AGTPBP1: variants seen among roughly 807,000 people sequenced by gnomAD.
AGTPBP1 encodes ATP/GTP binding carboxypeptidase 1, also known as cytosolic carboxypeptidase 1.
A neutral mutation model predicts 143.9 loss-of-function variants in AGTPBP1; 70 were observed. That is an observed-to-expected ratio of 0.49 (90% CI 0.40 to 0.59). The LOEUF (loss-of-function observed/expected upper bound fraction) is 0.59. AGTPBP1 is among the 20% of genes least tolerant of loss of function. AGTPBP1 has a pLI of 0.00. For synonymous variants in AGTPBP1, 463 were observed against 500.2 expected, an observed-to-expected ratio of 0.93 and a Z score of 0.99; for missense variants, 1,229 against 1,464.5, an observed-to-expected ratio of 0.84 and a Z score of 2.62.
At chr9:85,730,920 A>C (rs1408013463) in intron 1 of AGTPBP1, among the ~76,000 whole-genome samples, 1 of 152,220 alleles carries the variant, frequency 6.6e-6, no homozygotes, top group Non-Finnish European at 1.5e-5. Context: ...TTGAACCCAT[A>C]CTGATACATT....
the AGTPBP1 span, chr9:85,787,821 C>G: frequency 6.6e-6 from 1 of 152,152 alleles, no homozygotes; most frequent in African/African-American, 2.4e-5. Context: ...GACATGGATG[C>G]TTACTCAGAG....
chr9:85,547,185 T>G lies in AGTPBP1; in HGVS notation c.3605A>C (p.Asn1202Thr). The G allele has an allele frequency of 6.2e-7, 1 of 1,613,746 alleles. No individual in the cohort carries two copies. The highest frequency in any genetic ancestry group is 8.5e-7 in the Non-Finnish European group (1 of 1,179,876). ...AGCAGAAGGTTCATAATCTCCTACA[T>G]TTTCAGCCAACTCAATATCTAACTC... ...NDELDIELAE[N>T]VGDYEPSAQE... Residue 1202 changes from asparagine to threonine, a missense_variant, in exon 26 of 26, where the codon AAT (asparagine) becomes ACT (threonine). Around this residue, in one of 2 missense-constraint regions of AGTPBP1, gnomAD observed 486 missense variants for 652.3 expected, o/e 0.75. Coordinates refer to ENST00000357081, the MANE Select transcript of AGTPBP1 (RefSeq NM_001330701.2).
chr9:85,652,877 G>T (rs1193920907), intron 11 of AGTPBP1, among the ~76,000 whole-genome samples: 3 of 152,110 alleles, frequency 2.0e-5, no homozygotes, highest in Non-Finnish European at 1.5e-5. Context: ...TTAACCTGTG[G>T]GGTCTGTATT....
chr9:85,759,177 C>G, the AGTPBP1 span, among the ~76,000 whole-genome samples: 1 of 152,140 alleles, frequency 6.6e-6, no homozygotes, highest in Non-Finnish European at 1.5e-5. Flanking sequence ...TAATGGGAGA[C>G]TTTAACACCC....
Position 85,741,092 on chromosome 9 carries a change from G to C in AGTPBP1, c.-34+683C>G, listed in dbSNP as rs558778718. 3.3e-5 allele frequency among the ~76,000 whole-genome samples: 5 copies of C among 152,318 alleles called. No individual in the cohort carries two copies. In the South Asian group the frequency reaches 6.2e-4, roughly 19 times the overall value. On this transcript the variant is annotated intron_variant, in intron 1 of 25. Coordinates refer to ENST00000357081, the MANE Select transcript of AGTPBP1 (RefSeq NM_001330701.2). ...ACAGTCCTTGAACACTTGCAATTGAGAACCCGCAATTCAGGAAGGAAGACA... is the reference window on the plus strand; with the variant it reads ...ACAGTCCTTGAACACTTGCAATTGACAACCCGCAATTCAGGAAGGAAGACA...
chr9:85,574,275 T>G (rs1827747327), intron 25 of AGTPBP1, among the ~76,000 whole-genome samples: 1 of 152,054 alleles, frequency 6.6e-6, no homozygotes, highest in Non-Finnish European at 1.5e-5. Flanking sequence ...GAAGGCAGCA[T>G]GCTCATTAAG....
chr9:85,741,511 G>C (rs62570633), intron 1 of AGTPBP1: 19,371 of 985,396 alleles, frequency 0.02, 205 homozygotes, highest in Middle Eastern at 0.032. Flanking sequence ...TCTGGGACGG[G>C]GATCCACCGA....
At chr9:85,675,676 T>C (rs976604621) in intron 6 of AGTPBP1, among the ~76,000 whole-genome samples, 5 of 152,164 alleles carry the variant, frequency 3.3e-5, no homozygotes, top group African/African-American at 1.2e-4. Context: ...CCACATGCAA[T>C]AGAATTCCTC....
At chr9:85,641,287 T>C (rs1395009297) in intron 13 of AGTPBP1, among the ~76,000 whole-genome samples, 2 of 152,194 alleles carry the variant, frequency 1.3e-5, no homozygotes, top group Non-Finnish European at 2.9e-5. Flanking sequence ...CTCAAACTTT[T>C]TCCACAGTAT....
intron 3 of AGTPBP1, among the ~76,000 whole-genome samples, chr9:85,688,183 A>G (rs1835619954): frequency 1.3e-5 from 2 of 151,944 alleles, no homozygotes; most frequent in South Asian, 4.1e-4. Flanking sequence ...AAATAAAAGA[A>G]GGAAATCAAT....
At chr9:85,594,915 C>A (rs1829198454) in intron 18 of AGTPBP1, among the ~76,000 whole-genome samples, 1 of 152,168 alleles carries the variant, frequency 6.6e-6, no homozygotes, top group South Asian at 2.1e-4. Context: ...AACATTGTTT[C>A]ATTCTTTAAA....
In AGTPBP1 at chr9:85,724,286, C is replaced by CA. The variant is rs56269636; in HGVS notation, c.-33-11721dup. On this transcript the variant is annotated intron_variant, in intron 1 of 25. Transcript: ENST00000357081. The stretch of plus-strand genomic sequence containing the variant: ...TGTGCAACAGAGTGAGACTTTGTCT[C>CA]AAAAAAAAAAAAAAAAAAAGAAAGA... Among the ~76,000 whole-genome samples, 732 of 77,498 alleles carry CA rather than the reference C, an allele frequency of 9.4e-3. 6 individuals carry two copies. Among genetic ancestry groups the CA allele is most frequent in the East Asian group, 0.029 (115 of 3,996 alleles). 50.8% of individuals were successfully genotyped at this position (77,498 alleles called of 152,430 possible).
At chr9:85,663,942 C>T (rs1016057327) in intron 8 of AGTPBP1, among the ~76,000 whole-genome samples, 2 of 152,090 alleles carry the variant, frequency 1.3e-5, no homozygotes, top group Non-Finnish European at 2.9e-5. Flanking sequence ...AATGACAATA[C>T]AGCCATATAA....
intron 9 of AGTPBP1, among the ~76,000 whole-genome samples, chr9:85,658,540 A>G (rs780733736): frequency 6.6e-6 from 1 of 152,076 alleles, no homozygotes; most frequent in Admixed American, 6.6e-5. Flanking sequence ...AATGTGCAAT[A>G]CCCATCTGAG....
At chr9:85,783,923 C>T in the AGTPBP1 span, among the ~76,000 whole-genome samples, 9 of 152,318 alleles carry the variant, frequency 5.9e-5, no homozygotes, top group Non-Finnish European at 8.8e-5. Context: ...CCGTGCCCAG[C>T]GGTTCAGTGG....
At chr9:85,722,946 T>C (rs866256955) in intron 1 of AGTPBP1, among the ~76,000 whole-genome samples, 8 of 152,116 alleles carry the variant, frequency 5.3e-5, no homozygotes, top group Middle Eastern at 3.2e-3. Context: ...TGCAGGTCTG[T>C]TGGAGTTTGC....
rs149071665 is a variant in AGTPBP1 at position 85,628,435 on chromosome 9, C to T, written c.2015+4227G>A. ...AATCAGTCAAACTTGGTAAGAGTCA[C>T]CATCATACAATTATATGATGATGAG... is the stretch of plus-strand genomic sequence containing the variant. On this transcript the variant is annotated intron_variant, in intron 14 of 25. Transcript: ENST00000357081. Among the ~76,000 whole-genome samples the T allele has an allele frequency of 6.6e-5, 10 of 152,196 alleles. 1 individual carries two copies. The highest frequency in any genetic ancestry group is 4.1e-4 in the South Asian group (2 of 4,824).
intron 25 of AGTPBP1, among the ~76,000 whole-genome samples, chr9:85,567,679 T>C (rs573513740): frequency 2.0e-5 from 3 of 151,636 alleles, no homozygotes; most frequent in African/African-American, 7.3e-5. Flanking sequence ...AAAAGAAAAA[T>C]CTCCCAGGAG....
intron 2 of AGTPBP1, among the ~76,000 whole-genome samples, chr9:85,702,206 A>G (rs2134376728): frequency 6.6e-6 from 1 of 152,308 alleles, no homozygotes; most frequent in East Asian, 1.9e-4. Context: ...ATACCTTTTA[A>G]ATAATACATT....
Sources: allele counts gnomAD v4.1 joint callset (sites outside exome capture counted in the v4.1 genomes callset), GRCh38; gene constraint gnomAD v4.1.1; regional missense constraint gnomAD v4.1.1; transcripts MANE v1.5; gene names NCBI Gene and HGNC (gene_info 2026-07-23, HGNC 2026-07-21).